The following SBK3 variants were observed in gnomAD, a reference collection of about 807,000 sequenced individuals.
SBK3 encodes SH3 domain binding kinase family member 3.
In SBK3, 16 loss-of-function variants were observed where a neutral mutation model predicts 12.7. That is an observed-to-expected ratio of 1.26 (90% CI 0.86 to 1.92). The LOEUF (loss-of-function observed/expected upper bound fraction) is 1.92. Ranked by LOEUF, SBK3 falls within the 40% of genes most tolerant of loss-of-function variation. SBK3 has a pLI of 0.00. For synonymous variants in SBK3, 217 were observed against 213.6 expected, an observed-to-expected ratio of 1.02 and a Z score of -0.14; for missense variants, 462 against 481.8, an observed-to-expected ratio of 0.96 and a Z score of 0.38.
chr19:55,541,414 A>T lies in SBK3; in HGVS notation c.512T>A (p.Val171Asp), dbSNP rs1404841515. 1 of 1,535,820 alleles carries T rather than the reference A, an allele frequency of 6.5e-7. No individual in the cohort carries two copies. The highest frequency in any genetic ancestry group is 1.2e-5 in the South Asian group (1 of 84,056). The change falls in exon 4 of 4, where the codon GTC (valine) becomes GAC (aspartate). Residue 171 changes from valine (V) to aspartate (D), a missense_variant. By Grantham distance (152) the Val-to-Asp change is radical (BLOSUM62 -3). Transcript: ENST00000612221. This position sits in a 1 kb window ranked among gnomAD's most constrained non-coding sequence, Gnocchi z 5.3. ...HADVKPDNVLVFDPVCSRVAL... is the reference protein window; with the variant it reads ...HADVKPDNVLDFDPVCSRVAL... Reference sequence around the variant, plus strand: ...CACACGGCTGCAGACCGGGTCGAAGACCAGCACGTTGTCAGGTTTGACATC... The same window carrying T: ...CACACGGCTGCAGACCGGGTCGAAGTCCAGCACGTTGTCAGGTTTGACATC...
Position 55,545,323 on chromosome 19 carries a change from C to T in SBK3, c.45+176G>A, listed in dbSNP as rs1225498346. On this transcript the variant is annotated intron_variant, in intron 1 of 3. Coordinates refer to ENST00000612221, the MANE Select transcript of SBK3 (RefSeq NM_001199824.2). This position sits in a 1 kb window ranked among gnomAD's most constrained non-coding sequence, Gnocchi z 4.4. The stretch of plus-strand genomic sequence containing the variant: ...TTTCTGAGTCCAATTCTCTGGGGGC[C>T]TTGGTCTCGCTGTGTGTCCTTGGAT... 2 of 607,076 alleles carry T rather than the reference C, an allele frequency of 3.3e-6. No individual in the cohort carries two copies. The highest frequency in any genetic ancestry group is 2.8e-5 in the East Asian group (1 of 35,262). The allele number at this position is 607,076 out of a possible 1,614,324, so 37.6% of individuals were successfully genotyped here.
chr19:55,541,001 C>G lies in SBK3; in HGVS notation c.925G>C (p.Gly309Arg). The stretch of plus-strand genomic sequence containing the variant: ...GGTCCCTCTCTGTTCCCTTGCAACC[C>G]CCAGTCGTCCCCCAGGAAGTCCAGG... ...AVLDFLGDDW[G>R]LQGNREGPGV... The change falls in exon 4 of 4, where the codon GGG (glycine) becomes CGG (arginine). Residue 309 changes from glycine (G) to arginine (R), a missense_variant. Transcript: ENST00000612221. This position sits in a 1 kb window ranked among gnomAD's most constrained non-coding sequence, Gnocchi z 5.3. 1 of 1,535,978 alleles carries G rather than the reference C, an allele frequency of 6.5e-7. No individual in the cohort carries two copies. Among genetic ancestry groups the G allele is most frequent in the Non-Finnish European group, 8.7e-7 (1 of 1,146,822 alleles).
Position 55,545,080 on chromosome 19 carries a change from G to C in SBK3, c.46-131C>G. 1.4e-6 allele frequency: 1 copy of C among 699,966 alleles called. No homozygotes were observed. The highest frequency in any genetic ancestry group is 1.9e-5 in the South Asian group (1 of 52,260). 43.4% of individuals were successfully genotyped at this position (699,966 alleles called of 1,614,324 possible). A position where few individuals can be genotyped will look rare whatever the true frequency, so the allele number is the denominator to read the frequency against. The stretch of plus-strand genomic sequence containing the variant: ...CAGGGGTCACTGTCCCCAGAGAGGA[G>C]GATGAGTCACAGTGACTCACCCGGA... On this transcript the variant is annotated intron_variant, in intron 1 of 3. Coordinates refer to ENST00000612221, the MANE Select transcript of SBK3 (RefSeq NM_001199824.2). This position sits in a 1 kb window ranked among gnomAD's most constrained non-coding sequence, Gnocchi z 4.4.
chr19:55,542,369 G>A lies in SBK3; in HGVS notation c.400-843C>T, dbSNP rs190302759. Among the ~76,000 whole-genome samples, 109 of 146,742 alleles carry A rather than the reference G, an allele frequency of 7.4e-4. 1 individual carries two copies. Among genetic ancestry groups the A allele is most frequent in the East Asian group, 6.2e-4 (3 of 4,864 alleles). Reference sequence around the variant, plus strand: ...TAATCATCCATCCACCAATCCTTCCGTCCACCCACCCATCCATCCATCCAC... The same window carrying A: ...TAATCATCCATCCACCAATCCTTCCATCCACCCACCCATCCATCCATCCAC... On this transcript the variant is annotated intron_variant, in intron 3 of 3. Coordinates refer to ENST00000612221, the MANE Select transcript of SBK3 (RefSeq NM_001199824.2).
intron 3 of SBK3, among the ~76,000 whole-genome samples, chr19:55,542,035 C>A (rs1446035453): frequency 6.6e-6 from 1 of 152,220 alleles, no homozygotes; most frequent in Non-Finnish European, 1.5e-5. Context: ...CCAGTGAGAA[C>A]TCAAATTTCA....
intron 3 of SBK3, among the ~76,000 whole-genome samples, chr19:55,543,700 G>T (rs193084045): frequency 6.6e-6 from 1 of 151,910 alleles, no homozygotes; most frequent in African/African-American, 2.4e-5. Flanking sequence ...GCTTCTCTCT[G>T]CAGCCCATTC....
chr19:55,541,241 C>G lies in SBK3; in HGVS notation c.685G>C (p.Gly229Arg). Reference sequence around the variant, plus strand: ...GTGGCAGCACAGAAGAGAAGCACCCCCAGGCCCCAGGAGTCCACGGCTGGC... The same window carrying G: ...GTGGCAGCACAGAAGAGAAGCACCCGCAGGCCCCAGGAGTCCACGGCTGGC... ...LRPAVDSWGL[G>R]VLLFCAATAC... The change falls in exon 4 of 4, where the codon GGG (glycine) becomes CGG (arginine). Residue 229 changes from glycine (G) to arginine (R), a missense_variant. By Grantham distance (125) the Gly-to-Arg change is moderately radical. Coordinates refer to ENST00000612221, the MANE Select transcript of SBK3 (RefSeq NM_001199824.2). The surrounding 1 kb of genome is among the most constrained non-coding windows in gnomAD (Gnocchi z 5.3). The G allele has an allele frequency of 6.5e-7, 1 of 1,536,076 alleles. No homozygotes were observed. The highest frequency in any genetic ancestry group is 8.7e-7 in the Non-Finnish European group (1 of 1,146,896).
Position 55,540,882 on chromosome 19 carries a change from A to G in SBK3, c.1044T>C (p.Ser348=), listed in dbSNP as rs757765740. The change falls in exon 4 of 4, where the codon AGT becomes AGC. Residue 348 remains serine (S), a synonymous_variant. Transcript: ENST00000612221. ...EWTDEGDDSK[S]GGRTGTDGGA... Reference sequence around the variant, plus strand: ...CCCCATCTGTCCCCGTCCTCCCACCACTTTTGCTGTCATCACCCTCATCTG... The same window carrying G: ...CCCCATCTGTCCCCGTCCTCCCACCGCTTTTGCTGTCATCACCCTCATCTG... The G allele has an allele frequency of 6.5e-7, 1 of 1,535,732 alleles. No homozygotes were observed. The highest frequency in any genetic ancestry group is 1.2e-5 in the South Asian group (1 of 84,034).
intron 2 of SBK3, 109 bp from the exon 3 acceptor site, chr19:55,544,411 G>A (rs527561200): frequency 4.4e-5 from 37 of 849,114 alleles, no homozygotes; most frequent in African/African-American, 3.2e-4. Context: ...TGGGCAGCAC[G>A]GGCTCCCCTG....
rs1242660129 is a variant in SBK3, at chr19:55,544,949, C to A, written c.46G>T (p.Glu16Ter). The change falls in exon 2 of 4, where the codon GAG (glutamate) becomes TAG (stop). Residue 16 changes from glutamate to a stop codon, truncating the protein, a stop_gained and splice_region_variant. Transcript: ENST00000612221. LOFTEE classifies it high-confidence loss of function. ...SETPEDGDPEEDTATALQRLV... is the reference protein window; with the variant it reads ...SETPEDGDPE ...CGTTGGAGGGCTGTGGCTGTGTCCT[C>A]CTACGGGAGAGGGGCAGGGTGAGGA... 6.5e-7 allele frequency: 1 copy of A among 1,529,146 alleles called. No individual in the cohort carries two copies. Among genetic ancestry groups the A allele is most frequent in the Admixed American group, 2.0e-5 (1 of 50,094 alleles). 94.7% of individuals were successfully genotyped at this position (1,529,146 alleles called of 1,614,324 possible).
At position 55,545,499 on chromosome 19, in the gene SBK3, C is replaced by T. The variant is rs183675152; in HGVS notation, c.45G>A (p.Glu15=). ...ASETPEDGDP[E]EDTATALQRL... is the part of the protein sequence containing the mutation. ...TCCTCCCCTGGCTCCCGTCTCTCAC[C>T]TCTGGGTCCCCATCCTCAGGGGTCT... Residue 15 remains glutamate, a splice_region_variant and synonymous_variant, in exon 1 of 4, where the codon GAG becomes GAA. Transcript: ENST00000612221. The surrounding 1 kb of genome is among the most constrained non-coding windows in gnomAD (Gnocchi z 4.4). 14,136 of 1,533,924 alleles carry T rather than the reference C, an allele frequency of 9.2e-3. 108 individuals carry two copies. The highest frequency in any genetic ancestry group is 0.011 in the Non-Finnish European group (12,667 of 1,145,448).
intron 2 of SBK3, among the ~76,000 whole-genome samples, chr19:55,544,532 C>T (rs1013806044): frequency 5.3e-5 from 8 of 152,178 alleles, no homozygotes; most frequent in African/African-American, 1.7e-4. Flanking sequence ...CTCAGTTTCC[C>T]CTGGCATCAA....
At chr19:55,544,461 C>G (rs1477068054) in intron 2 of SBK3, among the ~76,000 whole-genome samples, 159 bp from the exon 3 acceptor site, 22 of 152,064 alleles carry the variant, frequency 1.4e-4, no homozygotes, top group Admixed American at 1.4e-3. Context: ...CTTTGAAGAC[C>G]CTCCCTGCTC....
rs1988624550 is a variant in SBK3 at position 55,544,280 on chromosome 19, G to A, written c.219C>T (p.Leu73=). The A allele has an allele frequency of 6.5e-7, 1 of 1,535,914 alleles. No individual in the cohort carries two copies. Among genetic ancestry groups the A allele is most frequent in the Non-Finnish European group, 8.7e-7 (1 of 1,146,832 alleles). Residue 73 remains leucine (L), a synonymous_variant, in exon 3 of 4, where the codon CTC becomes CTT. Transcript: ENST00000612221. ...HQGGPAVALK[L]LRRDLVLRST... is the part of the protein sequence containing the mutation. ...TTCTCAGGACCAAATCCCGACGCAG[G>A]AGCTTCAGAGCCACAGCTGGACCTG... is the stretch of plus-strand genomic sequence containing the variant.
chr19:55,541,304 G>C lies in SBK3; in HGVS notation c.622C>G (p.Leu208Val), dbSNP rs1229713828. The change falls in exon 4 of 4, where the codon CTC becomes GTC. Residue 208 changes from leucine to valine, a missense_variant. Leu to Val is a conservative substitution (Grantham distance 32). Coordinates refer to ENST00000612221, the MANE Select transcript of SBK3 (RefSeq NM_001199824.2). This position sits in a 1 kb window ranked among gnomAD's most constrained non-coding sequence, Gnocchi z 5.3. ...PVPLPTAPPE[L>V]CLLLPPDTLP... ...GTGTCGGGCGGTAGCAGGAGACAGA[G>C]CTCAGGCGGTGCCGTGGGCAGAGGC... 2 of 1,535,472 alleles carry C rather than the reference G, an allele frequency of 1.3e-6. No homozygotes were observed. The highest frequency in any genetic ancestry group is 4.9e-5 in the East Asian group (2 of 40,926).
intron 2 of SBK3, 112 bp downstream of exon 2, chr19:55,544,687 A>G: frequency 9.3e-7 from 1 of 1,078,052 alleles, no homozygotes; most frequent in African/African-American, 1.6e-5. Flanking sequence ...GAGTACCCCC[A>G]CTGAGAAGGG....
Position 55,544,883 on chromosome 19 carries a change from T to C in SBK3, c.112A>G (p.Ser38Gly). The part of the protein sequence containing the change: ...LTTSRVTPVR[S>G]LRDQYHLIRK... ...ATGAGGTGGTACTGGTCCCGAAGGC[T>C]CCTCACCGGGGTCACCCTGCTGGTC... is the stretch of plus-strand genomic sequence containing the variant. Residue 38 changes from serine (S) to glycine (G), a missense_variant, in exon 2 of 4, where the codon AGC becomes GGC. Transcript: ENST00000612221. 23 of 1,534,224 alleles carry C rather than the reference T, an allele frequency of 1.5e-5. No homozygotes were observed. Among genetic ancestry groups the C allele is most frequent in the Non-Finnish European group, 1.9e-5 (22 of 1,146,368 alleles).
At position 55,542,488 on chromosome 19, in the gene SBK3, C is replaced by T. The variant is rs550516750; in HGVS notation, c.400-962G>A. Among the ~76,000 whole-genome samples, 202 of 150,810 alleles carry T rather than the reference C, an allele frequency of 1.3e-3. 2 individuals carry two copies. The highest frequency in any genetic ancestry group is 3.5e-3 in the Middle Eastern group (1 of 288). ...CCTTTCATCCATCCATCCATCCATC[C>T]ATCCATCCACCCACCAATCCTTCCT... On this transcript the variant is annotated intron_variant, in intron 3 of 3. Coordinates refer to ENST00000612221, the MANE Select transcript of SBK3 (RefSeq NM_001199824.2).
rs1175451053 is a variant in SBK3 at position 55,545,082 on chromosome 19, A to T, written c.46-133T>A. The T allele has an allele frequency of 2.3e-5, 16 of 691,254 alleles. No individual in the cohort carries two copies. Among genetic ancestry groups the T allele is most frequent in the African/African-American group, 3.7e-5 (2 of 54,788 alleles). The allele number at this position is 691,254 out of a possible 1,614,324, so 42.8% of individuals were successfully genotyped here. A position where few individuals can be genotyped will look rare whatever the true frequency, so the allele number is the denominator to read the frequency against. On this transcript the variant is annotated intron_variant, in intron 1 of 3. Coordinates refer to ENST00000612221, the MANE Select transcript of SBK3 (RefSeq NM_001199824.2). The surrounding 1 kb of genome is among the most constrained non-coding windows in gnomAD (Gnocchi z 4.4). ...GGGGTCACTGTCCCCAGAGAGGAGG[A>T]TGAGTCACAGTGACTCACCCGGACT...
Sources: gnomAD v4.1 joint callset for allele counts (sites outside exome capture counted in the v4.1 genomes callset) on GRCh38, gnomAD v4.1.1 for gene constraint, Gnocchi (gnomAD v3.1) non-coding constraint, MANE v1.5 for transcripts, NCBI Gene and HGNC (gene_info 2026-07-23, HGNC 2026-07-21) for gene names.